Variants in SYNE2 observed in about 807,000 individuals in gnomAD.
SYNE2 encodes nesprin-2.
In SYNE2, 431 loss-of-function variants were observed where a neutral mutation model predicts 856.3. The ratio of observed to expected loss-of-function variants is 0.50; its 90% confidence interval spans 0.47 to 0.55. The LOEUF is 0.55. SYNE2 is among the 20% of genes least tolerant of loss of function. SYNE2 has a pLI of 0.00. For synonymous variants in SYNE2, 2,923 were observed against 2,872.3 expected, an observed-to-expected ratio of 1.02 and a Z score of -0.56; for missense variants, 8,129 against 8,023.2, an observed-to-expected ratio of 1.01 and a Z score of -0.50.
At chr14:63,766,322 C>T (rs903386001) in intron 1 of SYNE2, among the ~76,000 whole-genome samples, 4 of 152,166 alleles carry the variant, frequency 2.6e-5, no homozygotes, top group Admixed American at 2.0e-4. Context: ...TCAAGTGATC[C>T]GCCCGCCTCA....
chr14:63,842,124 C>T (rs376810805), intron 1 of SYNE2, among the ~76,000 whole-genome samples: 14 of 148,750 alleles, frequency 9.4e-5, no homozygotes, highest in South Asian at 2.2e-4. Flanking sequence ...GTAAGCACCG[C>T]GCCTGGCCTT....
intron 1 of SYNE2, among the ~76,000 whole-genome samples, chr14:63,879,413 T>C (rs1024863685): frequency 3.3e-5 from 5 of 152,166 alleles, no homozygotes; most frequent in Admixed American, 2.0e-4. Flanking sequence ...CAGGAGGCCA[T>C]GAATCCTTGG....
intron 1 of SYNE2, among the ~76,000 whole-genome samples, chr14:63,830,775 T>C (rs1167916233): frequency 6.6e-6 from 1 of 151,720 alleles, no homozygotes. Context: ...ATTATTATAA[T>C]ACTATTCTAT....
chr14:64,182,442 G>T (rs1452397511), intron 96 of SYNE2, among the ~76,000 whole-genome samples: 2 of 151,836 alleles, frequency 1.3e-5, no homozygotes, highest in Admixed American at 6.6e-5. Flanking sequence ...CGCAGAGGGG[G>T]ATTTGGCACG....
intron 1 of SYNE2, among the ~76,000 whole-genome samples, chr14:63,853,515 C>G (rs1000885103): frequency 6.6e-5 from 10 of 151,644 alleles, no homozygotes; most frequent in African/African-American, 9.7e-5. Flanking sequence ...CCGGCCGCCC[C>G]CTCCCGGGCC....
At chr14:64,131,137 T>G (rs1595728759) in intron 76 of SYNE2, among the ~76,000 whole-genome samples, 1 of 152,088 alleles carries the variant, frequency 6.6e-6, no homozygotes, top group South Asian at 2.1e-4. Flanking sequence ...TAAGAAAAAT[T>G]GAAAGGTAAA....
chr14:63,802,955 T>C (rs142968318), intron 1 of SYNE2, among the ~76,000 whole-genome samples: 1 of 151,980 alleles, frequency 6.6e-6, no homozygotes, highest in Non-Finnish European at 1.5e-5. Context: ...GAGTGAGCAG[T>C]AGGAAGATTT....
rs1286201169 is a variant in SYNE2 at position 64,158,623 on chromosome 14, A to G, written c.15793-2A>G. The G allele has an allele frequency of 1.2e-6, 2 of 1,613,832 alleles. No homozygotes were observed. Among genetic ancestry groups the G allele is most frequent in the Admixed American group, 3.3e-5 (2 of 59,996 alleles). ...ATCAGTACGTTTCCACTTTTTGTCT[A>G]GGTCAATCAGCTCAAAACCTCCATG... is the stretch of plus-strand genomic sequence containing the variant. On this transcript the variant is annotated splice_acceptor_variant, in intron 85 of 115. Coordinates refer to ENST00000555002, the MANE Select transcript of SYNE2 (RefSeq NM_182914.3). LOFTEE classifies it high-confidence loss of function.
rs768289603 is a variant in SYNE2 at position 63,995,074 on chromosome 14, C to G, written c.2812C>G (p.Gln938Glu). 2 of 1,566,012 alleles carry G rather than the reference C, an allele frequency of 1.3e-6. No homozygotes were observed. Among genetic ancestry groups the G allele is most frequent in the Non-Finnish European group, 8.7e-7 (1 of 1,145,682 alleles). ...SLHHELSLYV[Q>E]QLKIDIEKGK... ...TCATCATGAACTGTCTTTATATGTTCAACAACTAAAAATAGATATTGAAAA... is the reference window on the plus strand; with the variant it reads ...TCATCATGAACTGTCTTTATATGTTGAACAACTAAAAATAGATATTGAAAA... The change falls in exon 23 of 116, where the codon CAA (glutamine) becomes GAA (glutamate). Residue 938 changes from glutamine to glutamate, a missense_variant. By Grantham distance (29) the Gln-to-Glu change is conservative. Around this residue, in one of 3 missense-constraint regions of SYNE2, gnomAD observed 2,422 missense variants for 2,357.4 expected, o/e 1.03. Transcript: ENST00000555002.
In SYNE2 at chr14:64,031,366, T is replaced by C. The variant is rs756416326; in HGVS notation, c.7221+9T>C. Reference sequence around the variant, plus strand: ...ACTGGGAAATAAACAAGGTAAGTGCTTGTGATTGCACTTTCAAGACAGTGA... The same window carrying C: ...ACTGGGAAATAAACAAGGTAAGTGCCTGTGATTGCACTTTCAAGACAGTGA... On this transcript the variant is annotated intron_variant, in intron 45 of 115. Transcript: ENST00000555002. 4 of 1,610,330 alleles carry C rather than the reference T, an allele frequency of 2.5e-6. No individual in the cohort carries two copies. Among genetic ancestry groups the C allele is most frequent in the Admixed American group, 1.7e-5 (1 of 59,998 alleles).
intron 1 of SYNE2, among the ~76,000 whole-genome samples, chr14:63,884,060 G>A (rs1416025390): frequency 2.6e-5 from 4 of 152,304 alleles, no homozygotes; most frequent in Middle Eastern, 3.4e-3. Flanking sequence ...CGCTCAGGGC[G>A]AAGCTTAGAG....
intron 8 of SYNE2, among the ~76,000 whole-genome samples, chr14:63,955,887 T>G (rs531400947): frequency 6.6e-6 from 1 of 152,350 alleles, no homozygotes; most frequent in South Asian, 2.1e-4. Context: ...AGTTCTGACA[T>G]GAATGTTAGT....
At chr14:63,950,044 C>T in intron 7 of SYNE2, 38 bp downstream of exon 7, 1 of 1,607,854 alleles carries the variant, frequency 6.2e-7, no homozygotes, top group Non-Finnish European at 8.5e-7. Context: ...ACACACAGGG[C>T]AGCTGTATCA....
At chr14:63,871,396 C>T (rs1466838408) in intron 1 of SYNE2, among the ~76,000 whole-genome samples, 10 of 151,810 alleles carry the variant, frequency 6.6e-5, no homozygotes, top group South Asian at 2.1e-4. Flanking sequence ...TTAGTAGAGA[C>T]GGGGTTTCTC....
At chr14:64,012,758 T>C (rs1436612530) in intron 32 of SYNE2, among the ~76,000 whole-genome samples, 2 of 152,244 alleles carry the variant, frequency 1.3e-5, no homozygotes, top group Admixed American at 1.3e-4. Context: ...TTTAATTCTT[T>C]GGTCAGGTTT....
intron 92 of SYNE2, among the ~76,000 whole-genome samples, chr14:64,167,916 A>C (rs1235306664): frequency 2.0e-5 from 3 of 152,246 alleles, no homozygotes; most frequent in Non-Finnish European, 4.4e-5. Flanking sequence ...AAATGCAAAC[A>C]TTATACCATT....
At chr14:63,837,483 G>A (rs372163178) in intron 1 of SYNE2, among the ~76,000 whole-genome samples, 5 of 152,196 alleles carry the variant, frequency 3.3e-5, no homozygotes, top group Admixed American at 6.6e-5. Flanking sequence ...TACTTCAAAG[G>A]ACATCATCAA....
At chr14:64,105,483 T>A (rs2097764981) in intron 64 of SYNE2, among the ~76,000 whole-genome samples, 1 of 152,206 alleles carries the variant, frequency 6.6e-6, no homozygotes, top group Non-Finnish European at 1.5e-5. Flanking sequence ...TGTCACTTAA[T>A]TGCAAGCATA....
intron 1 of SYNE2, among the ~76,000 whole-genome samples, chr14:63,863,621 G>A (rs1314699456): frequency 6.6e-6 from 1 of 152,088 alleles, no homozygotes. Flanking sequence ...CAACTCAAAT[G>A]CATATAAGCT....
Sources: allele counts gnomAD v4.1 joint callset (sites outside exome capture counted in the v4.1 genomes callset), GRCh38; gene constraint gnomAD v4.1.1; regional missense constraint gnomAD v4.1.1; transcripts MANE v1.5; gene names NCBI Gene and HGNC (gene_info 2026-07-23, HGNC 2026-07-21).